The following WDR17 variants were observed in gnomAD, a reference collection of about 807,000 sequenced individuals.
WDR17 encodes WD repeat domain 17.
WDR17 carries 143 observed loss-of-function variants against 161.7 expected under a neutral mutation model. That is an observed-to-expected ratio of 0.88 (90% CI 0.77 to 1.02). The LOEUF (loss-of-function observed/expected upper bound fraction) is 1.02. Among genes scored for constraint, WDR17 ranks in the 50% least tolerant of loss-of-function variants. The pLI, the probability that WDR17 is intolerant of heterozygous loss-of-function variation, is 0.00. For synonymous variants in WDR17, 517 were observed against 515.6 expected, an observed-to-expected ratio of 1.00 and a Z score of -0.04; for missense variants, 1,469 against 1,520.9, an observed-to-expected ratio of 0.97 and a Z score of 0.57.
chr4:176,079,795 G>C (rs1734506785), intron 1 of WDR17, among the ~76,000 whole-genome samples: 1 of 152,114 alleles, frequency 6.6e-6, no homozygotes, highest in Admixed American at 6.6e-5. Flanking sequence ...CCTTCCTGCT[G>C]GTTGGGACTC....
chr4:176,067,200 G>A (rs540456586), intron 1 of WDR17, among the ~76,000 whole-genome samples: 270 of 152,300 alleles, frequency 1.8e-3, no homozygotes, highest in African/African-American at 6.3e-3. Context: ...TTTGAAGGCA[G>A]ACGTCTGAGA....
At chr4:176,102,640 A>T (rs1398906539) in intron 1 of WDR17, among the ~76,000 whole-genome samples, 2 of 152,240 alleles carry the variant, frequency 1.3e-5, no homozygotes, top group African/African-American at 4.8e-5. Flanking sequence ...TGCTACATCT[A>T]GATAAATAGT....
chr4:176,076,787 C>CG (rs1460857038), intron 1 of WDR17, among the ~76,000 whole-genome samples: 1 of 151,684 alleles, frequency 6.6e-6, no homozygotes, highest in African/African-American at 2.4e-5. Flanking sequence ...GAATGAGAGG[C>CG]GGCCCATATA....
intron 1 of WDR17, among the ~76,000 whole-genome samples, chr4:176,103,646 G>GA (rs1738192581): frequency 6.6e-6 from 1 of 151,924 alleles, no homozygotes; most frequent in Admixed American, 6.6e-5. Context: ...AAGTAAAATA[G>GA]AAGAATTCAA....
In WDR17 at chr4:176,144,435, G is replaced by A. The variant is rs536165614; in HGVS notation, c.1530-1560G>A. 9.9e-5 allele frequency among the ~76,000 whole-genome samples: 15 copies of A among 152,124 alleles called. No homozygotes were observed. In the South Asian group the frequency reaches 3.1e-3, roughly 32 times the overall value. ...TGACCCTCACTGTGCCTTGAAAAAAGGAGATGTTCAATAAATATTTGTTAA... is the reference window on the plus strand; with the variant it reads ...TGACCCTCACTGTGCCTTGAAAAAAAGAGATGTTCAATAAATATTTGTTAA... On this transcript the variant is annotated intron_variant, in intron 11 of 28. Coordinates refer to ENST00000508596, the MANE Select transcript of WDR17 (RefSeq NM_181265.4).
At chr4:176,087,080 A>G (rs918766621) in intron 1 of WDR17, among the ~76,000 whole-genome samples, 63 of 152,056 alleles carry the variant, frequency 4.1e-4, no homozygotes, top group Non-Finnish European at 5.6e-4. Context: ...TTCATAAGAC[A>G]TTACAATGAT....
Position 176,172,417 on chromosome 4 carries a change from A to G in WDR17, c.3145A>G (p.Thr1049Ala), listed in dbSNP as rs1349608758. The G allele has an allele frequency of 6.2e-7, 1 of 1,611,130 alleles. No individual in the cohort carries two copies. The highest frequency in any genetic ancestry group is 1.3e-5 in the African/African-American group (1 of 74,794). Residue 1049 changes from threonine to alanine, a missense_variant, in exon 24 of 29, where the codon ACA becomes GCA. Physicochemically the swap from Thr to Ala is moderately conservative, Grantham distance 58. Coordinates refer to ENST00000508596, the MANE Select transcript of WDR17 (RefSeq NM_181265.4). ...TVEECMQLAE[T>A]ARADDNIFET... Reference sequence around the variant, plus strand: ...GGAAGAATGTATGCAGTTAGCTGAGACAGCCCGTGCAGATGACAATATATT... The same window carrying G: ...GGAAGAATGTATGCAGTTAGCTGAGGCAGCCCGTGCAGATGACAATATATT...
At chr4:176,074,608 A>G (rs557125968) in intron 1 of WDR17, among the ~76,000 whole-genome samples, 15 of 151,710 alleles carry the variant, frequency 9.9e-5, no homozygotes, top group Non-Finnish European at 2.1e-4. Context: ...AGGTGCATGC[A>G]CCACACCTGG....
chr4:176,087,957 C>T (rs1431187243), intron 1 of WDR17, among the ~76,000 whole-genome samples: 1 of 151,908 alleles, frequency 6.6e-6, no homozygotes, highest in East Asian at 1.9e-4. Context: ...AATTCTTGTG[C>T]CTCGGCCTTC....
chr4:176,156,634 G>A (rs1008357718), intron 18 of WDR17, among the ~76,000 whole-genome samples: 11 of 149,242 alleles, frequency 7.4e-5, no homozygotes, highest in African/African-American at 2.5e-4. Context: ...GCAATAACCC[G>A]ACAAGATTTT....
intron 28 of WDR17, among the ~76,000 whole-genome samples, chr4:176,178,593 G>A (rs990489152): frequency 2.6e-5 from 4 of 152,136 alleles, no homozygotes; most frequent in African/African-American, 9.7e-5. Context: ...TGGTATAGAT[G>A]GAGTACTGTT....
chr4:176,160,784 A>C (rs1414294427), intron 19 of WDR17, 127 bp from the exon 20 acceptor site: 1 of 784,548 alleles, frequency 1.3e-6, no homozygotes, highest in African/African-American at 1.8e-5. Context: ...AAATTCTAAG[A>C]TTATCTCCAA....
rs901577712 is a variant in WDR17 at position 176,131,847 on chromosome 4, A to G, written c.1098+109A>G. ...TTTGAAATTATTTTTGTAAGTAATA[A>G]TATACTAGAAATTTATTGTAGCTGG... On this transcript the variant is annotated intron_variant, in intron 7 of 28. Coordinates refer to ENST00000508596, the MANE Select transcript of WDR17 (RefSeq NM_181265.4). 3 of 874,736 alleles carry G rather than the reference A, an allele frequency of 3.4e-6. No individual in the cohort carries two copies. In the African/African-American group the frequency reaches 5.3e-5, roughly 16 times the overall value. 54.2% of individuals were successfully genotyped at this position (874,736 alleles called of 1,614,324 possible).
chr4:176,140,072 G>A (rs1745013759), intron 10 of WDR17, 98 bp downstream of exon 10: 5 of 976,718 alleles, frequency 5.1e-6, no homozygotes, highest in Non-Finnish European at 5.9e-6. Context: ...CATTTGTACA[G>A]CTCTACCAAC....
At chr4:176,149,615 T>C (rs1746787618) in intron 13 of WDR17, among the ~76,000 whole-genome samples, 192 bp from the exon 14 acceptor site, 1 of 152,152 alleles carries the variant, frequency 6.6e-6, no homozygotes, top group Non-Finnish European at 1.5e-5. Context: ...ATAGAATATA[T>C]AAAATAATTT....
intron 23 of WDR17, among the ~76,000 whole-genome samples, chr4:176,170,300 T>G (rs1355043698): frequency 6.7e-6 from 1 of 148,570 alleles, no homozygotes; most frequent in Non-Finnish European, 1.5e-5. Context: ...GTCAAATCAA[T>G]TATTTTTTCT....
rs1176821893 is a variant in WDR17, at chr4:176,172,422, C to T, written c.3150C>T (p.Ala1050=). The T allele has an allele frequency of 6.2e-7, 1 of 1,611,336 alleles. No homozygotes were observed. Among genetic ancestry groups the T allele is most frequent in the Non-Finnish European group, 8.5e-7 (1 of 1,179,322 alleles). Residue 1050 remains alanine, a synonymous_variant, in exon 24 of 29, where the codon GCC becomes GCT. Coordinates refer to ENST00000508596, the MANE Select transcript of WDR17 (RefSeq NM_181265.4). ...AATGTATGCAGTTAGCTGAGACAGC[C>T]CGTGCAGATGACAATATATTTGAAA... ...VEECMQLAET[A]RADDNIFETV... is the part of the protein sequence containing the mutation.
rs1339662851 is a variant in WDR17 at position 176,137,500 on chromosome 4, C to G, written c.1268-20C>G. The stretch of plus-strand genomic sequence containing the variant: ...TTGTGGGAAACATTTAGTATAATGT[C>G]TAACAAATTGTTTCCTAAGGTGGTT... On this transcript the variant is annotated intron_variant, in intron 8 of 28. Coordinates refer to ENST00000508596, the MANE Select transcript of WDR17 (RefSeq NM_181265.4). The G allele has an allele frequency of 6.4e-7, 1 of 1,573,282 alleles. No homozygotes were observed. The highest frequency in any genetic ancestry group is 8.7e-7 in the Non-Finnish European group (1 of 1,147,556).
intron 22 of WDR17, among the ~76,000 whole-genome samples, chr4:176,167,439 G>T (rs945518899): frequency 1.3e-5 from 2 of 151,468 alleles, no homozygotes; most frequent in East Asian, 2.0e-4. Flanking sequence ...GAGGTCAGGA[G>T]ATCGAGACCA....
Sources: allele counts gnomAD v4.1 joint callset (sites outside exome capture counted in the v4.1 genomes callset), GRCh38; gene constraint gnomAD v4.1.1; transcripts MANE v1.5; gene names NCBI Gene and HGNC (gene_info 2026-07-23, HGNC 2026-07-21).